SPTBN1: variants seen among roughly 807,000 people sequenced by gnomAD.
SPTBN1 encodes spectrin beta, non-erythrocytic 1, also known as spectrin beta chain, non-erythrocytic 1.
SPTBN1 carries 32 observed loss-of-function variants against 266.4 expected under a neutral mutation model. The observed-to-expected ratio is 0.12, with a 90% confidence interval of 0.09 to 0.16. The LOEUF (loss-of-function observed/expected upper bound fraction) is 0.16, where lower values mean the gene tolerates loss of function less well. Ranked by LOEUF, SPTBN1 falls within the 10% of genes least tolerant of loss-of-function variation. SPTBN1 has a pLI of 1.00. For synonymous variants in SPTBN1, 1,336 were observed against 1,162.2 expected, an observed-to-expected ratio of 1.15 and a Z score of -3.04; for missense variants, 2,296 against 3,067.1, an observed-to-expected ratio of 0.75 and a Z score of 5.94.
intron 1 of SPTBN1, among the ~76,000 whole-genome samples, chr2:54,489,779 G>T (rs1024713663): frequency 2.0e-5 from 3 of 152,170 alleles, no homozygotes; most frequent in African/African-American, 4.8e-5. Context: ...TACAAAGAGC[G>T]TGCATACATT....
At chr2:54,457,200 GT>G (rs1316382426) in intron 1 of SPTBN1, 2 of 143,948 alleles carry the variant, frequency 1.4e-5, no homozygotes, top group Non-Finnish European at 3.0e-5. Flanking sequence ...AGGGCTGGGC[GT>G]GAGCCGCCTC....
At chr2:54,613,807 T>G (rs1346597032) in intron 4 of SPTBN1, among the ~76,000 whole-genome samples, 2 of 152,248 alleles carry the variant, frequency 1.3e-5, no homozygotes, top group African/African-American at 4.8e-5. Flanking sequence ...TTGTGTCTTA[T>G]GGCAACAGAG....
In SPTBN1 at chr2:54,616,200, A is replaced by G. The variant is rs1227213656; in HGVS notation, c.475-7A>G. The G allele has an allele frequency of 6.2e-7, 1 of 1,612,672 alleles. No individual in the cohort carries two copies. On this transcript the variant is annotated splice_polypyrimidine_tract_variant and splice_region_variant and intron_variant, in intron 4 of 35. Coordinates refer to ENST00000356805, the MANE Select transcript of SPTBN1 (RefSeq NM_003128.3). Reference sequence around the variant, plus strand: ...CTATTTGTCTAATATTTCTTTGTAAATCTTAGATCCAGGATATCAGTGTGG... The same window carrying G: ...CTATTTGTCTAATATTTCTTTGTAAGTCTTAGATCCAGGATATCAGTGTGG...
intron 1 of SPTBN1, among the ~76,000 whole-genome samples, chr2:54,517,017 A>G (rs926046726): frequency 3.3e-5 from 5 of 152,198 alleles, no homozygotes; most frequent in African/African-American, 1.2e-4. Context: ...GGGGTTGTGG[A>G]GACCTAGGTT....
At chr2:54,461,199 C>T (rs1693350045) in intron 1 of SPTBN1, among the ~76,000 whole-genome samples, 1 of 152,164 alleles carries the variant, frequency 6.6e-6, no homozygotes, top group South Asian at 2.1e-4. Flanking sequence ...AACTTTATAT[C>T]AACAAAATTA....
chr2:54,457,092 A>T (rs1573185277), intron 1 of SPTBN1, among the ~76,000 whole-genome samples: 1 of 145,192 alleles, frequency 6.9e-6, no homozygotes, highest in Non-Finnish European at 1.5e-5. Context: ...GCTGAGCCGG[A>T]GGCGGCGGCC....
At chr2:54,518,466 A>AAAAG (rs1312852194) in intron 1 of SPTBN1, among the ~76,000 whole-genome samples, 1 of 151,528 alleles carries the variant, frequency 6.6e-6, no homozygotes, top group African/African-American at 2.4e-5. Context: ...AAAAAAAAAA[A>AAAAG]AAAGAAACAG....
At chr2:54,564,113 A>T (rs1673509423) in intron 2 of SPTBN1, among the ~76,000 whole-genome samples, 1 of 152,204 alleles carries the variant, frequency 6.6e-6, no homozygotes, top group African/African-American at 2.4e-5. Flanking sequence ...AGATTTCTGG[A>T]CATGGGCTGC....
In SPTBN1 at chr2:54,670,112, T is replaced by A. The variant is rs369059177; in HGVS notation, c.*1543T>A. 13 of 152,294 alleles carry A rather than the reference T, an allele frequency of 8.5e-5. No homozygotes were observed. Among genetic ancestry groups the A allele is most frequent in the Admixed American group, 3.3e-4 (5 of 15,304 alleles). 9.4% of individuals were successfully genotyped at this position (152,294 alleles called of 1,614,324 possible). A position where few individuals can be genotyped will look rare whatever the true frequency, so the allele number is the denominator to read the frequency against. On this transcript the variant is annotated 3_prime_UTR_variant, in exon 36 of 36. Transcript: ENST00000356805. ...AGTAAAACTATTTAAGGACATAAAT[T>A]TGAATTTCATATAACTTTGACATGC...
At chr2:54,583,189 C>A (rs1467070950) in intron 2 of SPTBN1, among the ~76,000 whole-genome samples, 1 of 151,950 alleles carries the variant, frequency 6.6e-6, no homozygotes, top group Non-Finnish European at 1.5e-5. Context: ...AGCTTTGACC[C>A]CTTGACTCAC....
rs1218816482 is a variant in SPTBN1 at position 54,456,377 on chromosome 2, C to T, written c.-189C>T. Reference sequence around the variant, plus strand: ...CCCGGAGCGAGCGCGCAGCCCTGCGCAGCAGCGCCCACTGGTCCCGTCCTG... The same window carrying T: ...CCCGGAGCGAGCGCGCAGCCCTGCGTAGCAGCGCCCACTGGTCCCGTCCTG... On this transcript the variant is annotated 5_prime_UTR_variant, in exon 1 of 36. Transcript: ENST00000356805. 6.6e-6 allele frequency: 1 copy of T among 152,516 alleles called. No individual in the cohort carries two copies. The highest frequency in any genetic ancestry group is 1.5e-5 in the Non-Finnish European group (1 of 68,350). 9.4% of individuals were successfully genotyped at this position (152,516 alleles called of 1,614,324 possible).
intron 12 of SPTBN1, among the ~76,000 whole-genome samples, chr2:54,627,178 A>G (rs1678402203): frequency 6.6e-6 from 1 of 152,170 alleles, no homozygotes. Context: ...ATCTGATACC[A>G]TCAGTTTTCC....
At chr2:54,572,453 G>C (rs752228824) in intron 2 of SPTBN1, among the ~76,000 whole-genome samples, 4 of 152,184 alleles carry the variant, frequency 2.6e-5, no homozygotes, top group Non-Finnish European at 4.4e-5. Context: ...AGATAACAGT[G>C]TGAGTAATGC....
chr2:54,498,067 G>A (rs77408556), intron 1 of SPTBN1, among the ~76,000 whole-genome samples: 2,324 of 152,324 alleles, frequency 0.015, 24 homozygotes, highest in Non-Finnish European at 0.022. Context: ...AAGAATCACA[G>A]TAGAGAGTCC....
In SPTBN1 at chr2:54,533,873, A is replaced by G. The variant is rs1387770413; in HGVS notation, c.148+7307A>G. 1.3e-5 allele frequency among the ~76,000 whole-genome samples: 2 copies of G among 150,724 alleles called. No homozygotes were observed. Among genetic ancestry groups the G allele is most frequent in the Admixed American group, 1.3e-4 (2 of 15,098 alleles). On this transcript the variant is annotated intron_variant, in intron 2 of 35. Coordinates refer to ENST00000356805, the MANE Select transcript of SPTBN1 (RefSeq NM_003128.3). The surrounding 1 kb of genome is among the most constrained non-coding windows in gnomAD (Gnocchi z 4.2). ...GCCTGCTGTAGTAATTTAGGGGGAA[A>G]GATTGATCTCTCTCTCTGTCTCTCT...
At chr2:54,618,858 G>T (rs368815811) in intron 7 of SPTBN1, among the ~76,000 whole-genome samples, 1 of 152,176 alleles carries the variant, frequency 6.6e-6, no homozygotes, top group Non-Finnish European at 1.5e-5. Flanking sequence ...TTATCTGCAC[G>T]GAACTAATCC....
chr2:54,643,982 CAATAATAATAAT>C (rs56299899), intron 19 of SPTBN1, among the ~76,000 whole-genome samples: 16 of 149,856 alleles, frequency 1.1e-4, no homozygotes, highest in East Asian at 7.8e-4. Flanking sequence ...AATATAATAA[CAATAATAATAAT>C]AATAATAATA....
chr2:54,481,742 C>T (rs936166549), intron 1 of SPTBN1, among the ~76,000 whole-genome samples: 3 of 152,024 alleles, frequency 2.0e-5, no homozygotes, highest in African/African-American at 7.3e-5. Context: ...CTGTTAGGCG[C>T]AGAGAGTGTG....
chr2:54,668,678 TG>T lies in SPTBN1; in HGVS notation c.*110del. On this transcript the variant is annotated 3_prime_UTR_variant, in exon 36 of 36. Coordinates refer to ENST00000356805, the MANE Select transcript of SPTBN1 (RefSeq NM_003128.3). ...TGTGCCTAATGTTCCTCAATGTGGT[TG>T]ATTTTTTTTTTTTTTTAATTTATAG... is the stretch of plus-strand genomic sequence containing the variant. The T allele has an allele frequency of 9.6e-7, 1 of 1,046,416 alleles. No individual in the cohort carries two copies. The allele number at this position is 1,046,416 out of a possible 1,614,324, so 64.8% of individuals were successfully genotyped here. A position where few individuals can be genotyped will look rare whatever the true frequency, so the allele number is the denominator to read the frequency against.
Sources: gnomAD v4.1 joint callset for allele counts (sites outside exome capture counted in the v4.1 genomes callset) on GRCh38, gnomAD v4.1.1 for gene constraint, Gnocchi (gnomAD v3.1) non-coding constraint, MANE v1.5 for transcripts, NCBI Gene and HGNC (gene_info 2026-07-23, HGNC 2026-07-21) for gene names.